The following PPP6R2 variants were observed in gnomAD, a reference collection of about 807,000 sequenced individuals.
The protein encoded by PPP6R2 is serine/threonine-protein phosphatase 6 regulatory subunit 2.
Under a neutral mutation model 100.2 loss-of-function variants are expected in PPP6R2, and 62 were observed. The ratio of observed to expected loss-of-function variants is 0.62; its 90% CI spans 0.50 to 0.76. The LOEUF is 0.76. Ranked by LOEUF, PPP6R2 falls within the 30% of genes least tolerant of loss-of-function variation. The pLI is 0.00. For synonymous variants in PPP6R2, 525 were observed against 514.7 expected (o/e 1.02, Z -0.27); for missense variants, 1,142 against 1,276.3 (o/e 0.89, Z 1.60).
chr22:50,406,946 C>T (rs1038409769), intron 4 of PPP6R2, 71 bp downstream of exon 4: 6 of 1,461,940 alleles, frequency 4.1e-6, no homozygotes, highest in Non-Finnish European at 4.7e-6. Flanking sequence ...CTGCTGTGAG[C>T]CTGGCGGTGC....
intron 4 of PPP6R2, among the ~76,000 whole-genome samples, chr22:50,409,513 C>T (rs899498754): frequency 2.0e-5 from 3 of 151,860 alleles, no homozygotes; most frequent in Non-Finnish European, 2.9e-5. Flanking sequence ...CCACAACCTC[C>T]GCCTCCCGGG....
At position 50,438,220 on chromosome 22, in the gene PPP6R2, C is replaced by T. The variant is rs367961227; in HGVS notation, c.1886C>T (p.Pro629Leu). 1.2e-6 allele frequency: 2 copies of T among 1,613,926 alleles called. No homozygotes were observed. The highest frequency in any genetic ancestry group is 1.7e-6 in the Non-Finnish European group (2 of 1,180,002). ...GCCTGCTGCAGTGACCGCATCCAGCCCTTTGATGATGATGAGGACGAGGAC... is the reference window on the plus strand; with the variant it reads ...GCCTGCTGCAGTGACCGCATCCAGCTCTTTGATGATGATGAGGACGAGGAC... Reference protein sequence around the residue: ...FEACCSDRIQPFDDDEDEDIW... With the variant: ...FEACCSDRIQLFDDDEDEDIW... The change falls in exon 18 of 24, where the codon CCC (proline) becomes CTC (leucine). Residue 629 changes from proline to leucine, a missense_variant. Coordinates refer to ENST00000612753, the MANE Select transcript of PPP6R2 (RefSeq NM_001242898.2).
At chr22:50,435,996 A>G (rs574544290) in intron 13 of PPP6R2, among the ~76,000 whole-genome samples, 1 of 152,222 alleles carries the variant, frequency 6.6e-6, no homozygotes, top group Non-Finnish European at 1.5e-5. Context: ...GGTGGGGGGA[A>G]GGAAGCTGGC....
intron 1 of PPP6R2, among the ~76,000 whole-genome samples, chr22:50,360,817 C>G (rs973838624): frequency 1.3e-5 from 2 of 152,226 alleles, no homozygotes; most frequent in East Asian, 1.9e-4. Context: ...ACACCAGTCT[C>G]TCTCAGGTTT....
intron 1 of PPP6R2, among the ~76,000 whole-genome samples, chr22:50,352,364 A>G (rs994362335): frequency 1.3e-5 from 2 of 152,184 alleles, no homozygotes; most frequent in Non-Finnish European, 2.9e-5. Context: ...CATCCTTTGT[A>G]GAACTGAAAA....
At chr22:50,391,414 CAG>C (rs2055502341) in intron 2 of PPP6R2, among the ~76,000 whole-genome samples, 2 of 113,816 alleles carry the variant, frequency 1.8e-5, no homozygotes, top group African/African-American at 7.2e-5. Context: ...GCCTGGGCTA[CAG>C]AGTGAGACTC....
intron 15 of PPP6R2, 22 bp from the exon 16 acceptor site, chr22:50,437,484 T>TACCAAC: frequency 3.7e-6 from 2 of 542,124 alleles, no homozygotes; most frequent in Non-Finnish European, 7.3e-6. Flanking sequence ...TGTCCGTCCC[T>TACCAAC]CCCTCCCTCC....
At chr22:50,338,466 GTGT>G (rs1007891289), upstream of PPP6R2, among the ~76,000 whole-genome samples, 6 of 99,358 alleles carry the variant, frequency 6.0e-5, no homozygotes, top group Admixed American at 9.5e-5. Context: ...TATGTAGTGT[GTGT>G]TATGTGTGTG....
Position 50,423,537 on chromosome 22 carries a change from A to T in PPP6R2, c.1048A>T (p.Met350Leu). Residue 350 changes from methionine to leucine, a missense_variant, in exon 10 of 24, where the codon ATG (methionine) becomes TTG (leucine). Physicochemically the swap from Met to Leu is conservative, Grantham distance 15. Around this residue, in one of 2 missense-constraint regions of PPP6R2, gnomAD observed 592 missense variants for 758.9 expected, o/e 0.78. Coordinates refer to ENST00000612753, the MANE Select transcript of PPP6R2 (RefSeq NM_001242898.2). The surrounding 1 kb of genome is among the most constrained non-coding windows in gnomAD (Gnocchi z 4.8). ...TGCCCGTCTGCATGGCGCCCGCCTC[A>T]TGGCAGCACTGCTGCACACAAACAC... ...GNARLHGARL[M>L]AALLHTNTPS... The T allele has an allele frequency of 6.2e-7, 1 of 1,614,192 alleles. No homozygotes were observed. Among genetic ancestry groups the T allele is most frequent in the East Asian group, 2.2e-5 (1 of 44,890 alleles).
chr22:50,391,689 CT>C (rs1306070016), intron 2 of PPP6R2, among the ~76,000 whole-genome samples: 2 of 144,074 alleles, frequency 1.4e-5, no homozygotes, highest in Non-Finnish European at 3.0e-5. Flanking sequence ...GAATTTATGT[CT>C]GGTATCTTGC....
chr22:50,378,900 A>T (rs1222143701), intron 2 of PPP6R2, among the ~76,000 whole-genome samples: 1 of 148,298 alleles, frequency 6.7e-6, no homozygotes, highest in African/African-American at 2.5e-5. Context: ...AAAAAAAAAA[A>T]GGTGAGGCCT....
chr22:50,399,789 CTG>C (rs2057722197), intron 3 of PPP6R2, among the ~76,000 whole-genome samples: 1 of 152,256 alleles, frequency 6.6e-6, no homozygotes, highest in Admixed American at 6.5e-5. Flanking sequence ...GCCACTGTGA[CTG>C]TAAGATGGCT....
chr22:50,393,880 C>T lies in PPP6R2; in HGVS notation c.-16-13C>T. The T allele has an allele frequency of 6.2e-7, 1 of 1,613,680 alleles. No individual in the cohort carries two copies. The highest frequency in any genetic ancestry group is 8.5e-7 in the Non-Finnish European group (1 of 1,179,656). ...AAGGGTGAGAGACGTGACCCCTTTGCCCTCGTTTGCAGCTCTGCGGCCGTC... is the reference window on the plus strand; with the variant it reads ...AAGGGTGAGAGACGTGACCCCTTTGTCCTCGTTTGCAGCTCTGCGGCCGTC... On this transcript the variant is annotated splice_polypyrimidine_tract_variant and intron_variant, in intron 2 of 23. Transcript: ENST00000612753.
intron 2 of PPP6R2, among the ~76,000 whole-genome samples, chr22:50,376,248 A>G (rs2051526046): frequency 6.6e-6 from 1 of 151,944 alleles, no homozygotes; most frequent in Non-Finnish European, 1.5e-5. Context: ...TGAGTCCATG[A>G]GTTTGAGGCT....
intron 1 of PPP6R2, among the ~76,000 whole-genome samples, chr22:50,347,122 C>T (rs1488390284): frequency 2.0e-5 from 3 of 151,944 alleles, no homozygotes; most frequent in Admixed American, 6.6e-5. Context: ...TCTTTGCTAT[C>T]GGCCTCTGTG....
chr22:50,401,763 C>A (rs2058082563), intron 3 of PPP6R2, among the ~76,000 whole-genome samples: 1 of 151,632 alleles, frequency 6.6e-6, no homozygotes, highest in African/African-American at 2.4e-5. Flanking sequence ...CTGCCTCAGC[C>A]TCTTGAGTAC....
chr22:50,419,269 A>G, intron 7 of PPP6R2, 80 bp from the exon 8 acceptor site: 1 of 1,282,942 alleles, frequency 7.8e-7, no homozygotes, highest in Non-Finnish European at 1.1e-6. Flanking sequence ...GGGGTCCTCC[A>G]CGGGGAGGAA....
intron 12 of PPP6R2, 42 bp downstream of exon 12, chr22:50,432,371 C>T: frequency 1.3e-6 from 2 of 1,513,066 alleles, no homozygotes; most frequent in Non-Finnish European, 1.8e-6. Flanking sequence ...CCTGGCCAGT[C>T]AGGGATGCAG....
upstream of PPP6R2, among the ~76,000 whole-genome samples, chr22:50,338,403 G>C (rs866342407): frequency 7.2e-6 from 1 of 139,086 alleles, no homozygotes. Flanking sequence ...TATGTGGTGT[G>C]TGTGGTATGT....
Sources: allele counts gnomAD v4.1 joint callset (sites outside exome capture counted in the v4.1 genomes callset), GRCh38; gene constraint gnomAD v4.1.1; regional missense constraint gnomAD v4.1.1; non-coding constraint Gnocchi (gnomAD v3.1); transcripts MANE v1.5; gene names NCBI Gene and HGNC (gene_info 2026-07-23, HGNC 2026-07-21).